SHANK1: variants seen among roughly 807,000 people sequenced by gnomAD.
SHANK1 encodes the protein SH3 and multiple ankyrin repeat domains 1.
Under a neutral mutation model 165.6 loss-of-function variants are expected in SHANK1, and 35 were observed. That is an observed-to-expected ratio of 0.21 (90% CI 0.16 to 0.28). The LOEUF (loss-of-function observed/expected upper bound fraction) is 0.28, where lower values mean the gene tolerates loss of function less well. SHANK1 is among the 10% of genes least tolerant of loss of function. The pLI is 1.00. For synonymous variants in SHANK1, 1,428 were observed against 1,384.8 expected (o/e 1.03, Z -0.69); for missense variants, 2,681 against 3,036.4 (o/e 0.88, Z 2.75).
Position 50,702,504 on chromosome 19 carries a change from C to T in SHANK1, c.1710G>A (p.Glu570=), listed in dbSNP as rs773483549. 1.2e-6 allele frequency: 2 copies of T among 1,613,328 alleles called. No individual in the cohort carries two copies. Among genetic ancestry groups the T allele is most frequent in the Non-Finnish European group, 1.7e-6 (2 of 1,179,836 alleles). The change falls in exon 12 of 24, where the codon GAG becomes GAA. Residue 570 remains glutamate (E), a synonymous_variant. Transcript: ENST00000293441. The surrounding 1 kb of genome is among the most constrained non-coding windows in gnomAD (Gnocchi z 5.3). ...CGCCCTTGCTCAGGGAGATCTCCCC[C>T]TCGGCTTGGGCCTGGTAGGACTTCA... ...MAVKSYQAQA[E]GEISLSKGEK...
rs1986396390 is a variant in SHANK1 at position 50,687,617 on chromosome 19, C to T, written c.2354G>A (p.Arg785His). The T allele has an allele frequency of 3.2e-6, 5 of 1,539,302 alleles. No individual in the cohort carries two copies. Among genetic ancestry groups the T allele is most frequent in the South Asian group, 1.2e-5 (1 of 81,896 alleles). Residue 785 changes from arginine to histidine, a missense_variant, in exon 19 of 24, where the codon CGT (arginine) becomes CAT (histidine). Arg to His is a conservative substitution (Grantham distance 29). Coordinates refer to ENST00000293441, the MANE Select transcript of SHANK1 (RefSeq NM_016148.5). ...CAGCTCTGAGGTCATAGATTTGGAA[C>T]GCAGGGAGATGGTTGGGGGCGGCAG... The part of the protein sequence containing the change: ...KRLPPPTISL[R>H]SKSMTSELEE...
chr19:50,667,790 G>GGGCGGCGGGGCC lies in SHANK1; in HGVS notation c.4158_4169dup (p.Ala1387_Pro1390dup). On this transcript the variant is annotated inframe_insertion, in exon 23 of 24. Transcript: ENST00000293441. This position sits in a 1 kb window ranked among gnomAD's most constrained non-coding sequence, Gnocchi z 5.7. ...CGTGGGGCGAGTGGTGGTGCGGGGT[G>GGGCGGCGGGGCC]GGCGGCGGGGCCTCGTAGCGGGGCG... 2 of 1,294,948 alleles carry GGGCGGCGGGGCC rather than the reference G, an allele frequency of 1.5e-6. No individual in the cohort carries two copies. The highest frequency in any genetic ancestry group is 1.9e-6 in the Non-Finnish European group (2 of 1,026,408). The allele number at this position is 1,294,948 out of a possible 1,614,324, so 80.2% of individuals were successfully genotyped here.
rs908768196 is a variant in SHANK1 at position 50,697,444 on chromosome 19, A to G, written c.1937+145T>C. On this transcript the variant is annotated intron_variant, in intron 14 of 23. Transcript: ENST00000293441. The surrounding 1 kb of genome is among the most constrained non-coding windows in gnomAD (Gnocchi z 4.7). ...GGGTTGGGCTGTACTGTCTGAAGCT[A>G]ATTCTGGCTTATCCCACCCCTGGAT... The G allele has an allele frequency of 5.0e-5, 40 of 806,016 alleles. No homozygotes were observed. The East Asian group carries it at 9.7e-4, about 20-fold the overall frequency. 49.9% of individuals were successfully genotyped at this position (806,016 alleles called of 1,614,324 possible).
In SHANK1 at chr19:50,660,454, A is replaced by G. The variant is rs1233131325; in HGVS notation, c.*1511T>C. Among the ~76,000 whole-genome samples the G allele has an allele frequency of 1.3e-5, 2 of 152,074 alleles. No individual in the cohort carries two copies. The highest frequency in any genetic ancestry group is 2.4e-5 in the African/African-American group (1 of 41,404). On this transcript the variant is annotated 3_prime_UTR_variant, in exon 24 of 24. Coordinates refer to ENST00000293441, the MANE Select transcript of SHANK1 (RefSeq NM_016148.5). ...GTGCATAGGGTCTTCTCTCACCAGG[A>G]AGAGAAAGAGCTTAAGGAGGTAAGA...
chr19:50,674,221 A>G (rs1435785539), intron 21 of SHANK1, among the ~76,000 whole-genome samples: 1 of 151,836 alleles, frequency 6.6e-6, no homozygotes, highest in Non-Finnish European at 1.5e-5. Flanking sequence ...CGGTCCCCGC[A>G]TAGGGCCTGC....
At chr19:50,695,914 CG>C (rs1356799069) in intron 15 of SHANK1, among the ~76,000 whole-genome samples, 2 of 152,106 alleles carry the variant, frequency 1.3e-5, no homozygotes, top group African/African-American at 4.8e-5. Context: ...GGGAGACACA[CG>C]GAAGGACCGC....
intron 15 of SHANK1, among the ~76,000 whole-genome samples, chr19:50,695,534 C>A (rs989137912): frequency 2.6e-5 from 4 of 151,686 alleles, no homozygotes; most frequent in Non-Finnish European, 5.9e-5. Flanking sequence ...AATCCCCCTC[C>A]CCCCTCCAGA....
At chr19:50,671,817 C>A (rs1985803391) in intron 22 of SHANK1, among the ~76,000 whole-genome samples, 1 of 152,136 alleles carries the variant, frequency 6.6e-6, no homozygotes, top group African/African-American at 2.4e-5. Flanking sequence ...GCCACCTGCC[C>A]CAGTTCACAC....
At position 50,687,119 on chromosome 19, in the gene SHANK1, C is replaced by T. The variant is rs1986371149; in HGVS notation, c.2390-307G>A. 4.0e-6 allele frequency: 4 copies of T among 1,010,264 alleles called. No individual in the cohort carries two copies. In the East Asian group the frequency reaches 9.5e-5, roughly 24 times the overall value. 62.6% of individuals were successfully genotyped at this position (1,010,264 alleles called of 1,614,324 possible). ...GTGAGGGGCCCCCTGTCTGGAAGCC[C>T]GCCTCCCTCGGGGCCCCGGGGTGGG... On this transcript the variant is annotated intron_variant, in intron 19 of 23. Coordinates refer to ENST00000293441, the MANE Select transcript of SHANK1 (RefSeq NM_016148.5).
chr19:50,715,876 G>T, intron 3 of SHANK1, 146 bp from the exon 4 acceptor site: 2 of 771,410 alleles, frequency 2.6e-6, no homozygotes, highest in Middle Eastern at 5.6e-4. Context: ...CTGGAACCTT[G>T]GTCTAGGCGG....
Position 50,686,048 on chromosome 19 carries a change from G to A in SHANK1, c.2577+189C>T, listed in dbSNP as rs878911883. On this transcript the variant is annotated intron_variant, in intron 21 of 23. Transcript: ENST00000293441. This position sits in a 1 kb window ranked among gnomAD's most constrained non-coding sequence, Gnocchi z 5.7. ...AAAAGGACAGAGATGGGATTTGAGG[G>A]AAAGGGGATAAGGAGGAAAGGAGGT... 2.4e-4 allele frequency among the ~76,000 whole-genome samples: 36 copies of A among 151,906 alleles called. No homozygotes were observed. In the South Asian group the frequency reaches 5.4e-3, roughly 23 times the overall value.
At chr19:50,714,478 G>A (rs1343905000) in intron 4 of SHANK1, among the ~76,000 whole-genome samples, 188 bp from the exon 5 acceptor site, 1 of 152,040 alleles carries the variant, frequency 6.6e-6, no homozygotes, top group Non-Finnish European at 1.5e-5. Context: ...GATCACTTGG[G>A]CCCAGGGGTT....
intron 21 of SHANK1, among the ~76,000 whole-genome samples, chr19:50,683,130 C>T (rs1039136692): frequency 2.6e-5 from 4 of 152,152 alleles, no homozygotes; most frequent in Admixed American, 2.6e-4. Context: ...CTGCGCCCGG[C>T]CCTGAAAATC....
intron 6 of SHANK1, among the ~76,000 whole-genome samples, chr19:50,712,391 C>A (rs2089019909): frequency 6.6e-6 from 1 of 152,098 alleles, no homozygotes; most frequent in Non-Finnish European, 1.5e-5. Flanking sequence ...TGGGGGCGAT[C>A]TTGGATGAGC....
In SHANK1 at chr19:50,718,545, G is replaced by C. The variant is rs924072348; in HGVS notation, c.-44+861C>G. Among the ~76,000 whole-genome samples the C allele has an allele frequency of 3.9e-5, 6 of 152,270 alleles. No homozygotes were observed. The highest frequency in any genetic ancestry group is 2.1e-4 in the South Asian group (1 of 4,830). On this transcript the variant is annotated intron_variant, in intron 1 of 23. Coordinates refer to ENST00000293441, the MANE Select transcript of SHANK1 (RefSeq NM_016148.5). This position sits in a 1 kb window ranked among gnomAD's most constrained non-coding sequence, Gnocchi z 5.1. ...CGGGAGGGAGCGGGCACGCTCCGCC[G>C]GGGCGGCATGAATCAAACGCTCCGC...
At chr19:50,665,619 C>A (rs1298581886) in intron 23 of SHANK1, among the ~76,000 whole-genome samples, 1 of 144,062 alleles carries the variant, frequency 6.9e-6, no homozygotes, top group African/African-American at 2.6e-5. Flanking sequence ...ATTGGCCAGG[C>A]ATAGTGGCGT....
rs1287229770 is a variant in SHANK1, at chr19:50,687,576, G to A, written c.2389+6C>T. The stretch of plus-strand genomic sequence containing the variant: ...CCCCCTGGCCTCAGCAGCCCCGCAG[G>A]CTCACCCATCTCCTCCAGCTCTGAG... On this transcript the variant is annotated splice_donor_region_variant and intron_variant, in intron 19 of 23. Coordinates refer to ENST00000293441, the MANE Select transcript of SHANK1 (RefSeq NM_016148.5). 4.5e-6 allele frequency: 7 copies of A among 1,546,678 alleles called. 1 individual carries two copies. The South Asian group carries it at 4.8e-5, about 11-fold the overall frequency.
At position 50,688,898 on chromosome 19, in the gene SHANK1, G is replaced by A. The variant is rs377419590; in HGVS notation, c.2118C>T (p.Asp706=). ...CAGCTCGCCATGCCACGCCACCCTCGTCCACCGACTCCAGGTACTGCAGCG... is the reference window on the plus strand; with the variant it reads ...CAGCTCGCCATGCCACGCCACCCTCATCCACCGACTCCAGGTACTGCAGCG... ...FPALQYLESV[D]EGGVAWRAGL... is the part of the protein sequence containing the mutation. The change falls in exon 17 of 24, where the codon GAC becomes GAT. Residue 706 remains aspartate, a synonymous_variant. Transcript: ENST00000293441. This position sits in a 1 kb window ranked among gnomAD's most constrained non-coding sequence, Gnocchi z 6.7. The A allele has an allele frequency of 6.1e-5, 96 of 1,586,240 alleles. No homozygotes were observed. The highest frequency in any genetic ancestry group is 4.8e-4 in the Admixed American group (27 of 56,328).
chr19:50,684,229 G>A (rs912845828), intron 21 of SHANK1, among the ~76,000 whole-genome samples: 1 of 147,088 alleles, frequency 6.8e-6, no homozygotes, highest in Non-Finnish European at 1.5e-5. Flanking sequence ...AAGGAAGAAG[G>A]TTTTTTTTTT....
Sources: allele counts gnomAD v4.1 joint callset (sites outside exome capture counted in the v4.1 genomes callset), GRCh38; gene constraint gnomAD v4.1.1; non-coding constraint Gnocchi (gnomAD v3.1); transcripts MANE v1.5; gene names NCBI Gene and HGNC (gene_info 2026-07-23, HGNC 2026-07-21).